Variants in SOAT2 observed in about 807,000 individuals in gnomAD.
SOAT2 encodes ACAT-2.
Under a neutral mutation model 76.0 loss-of-function variants are expected in SOAT2, and 87 were observed. That is an observed-to-expected ratio of 1.14 (90% CI 0.96 to 1.37). SOAT2 has a LOEUF of 1.37. Ranked by LOEUF, SOAT2 falls within the 40% of genes most tolerant of loss-of-function variation. The pLI, the probability that SOAT2 is intolerant of heterozygous loss-of-function variation, is 0.00. For synonymous variants in SOAT2, 285 were observed against 275.4 expected (o/e 1.03, Z -0.34); for missense variants, 686 against 682.1 (o/e 1.01, Z -0.06).
At position 53,119,207 on chromosome 12, in the gene SOAT2, C is replaced by T; in HGVS notation, c.993C>T (p.Phe331=). ...PVFANMSREP[F]STRALVLSIL... is the part of the protein sequence containing the mutation. ...TTGCCAACATGAGCCGAGAGCCCTT[C>T]AGCACCCGTGCCCTGGTGCTCTCTA... The change falls in exon 10 of 15, where the codon TTC becomes TTT. Residue 331 remains phenylalanine, a synonymous_variant. Coordinates refer to ENST00000301466, the MANE Select transcript of SOAT2 (RefSeq NM_003578.4). The T allele has an allele frequency of 6.2e-7, 1 of 1,614,160 alleles. No homozygotes were observed. Among genetic ancestry groups the T allele is most frequent in the Non-Finnish European group, 8.5e-7 (1 of 1,180,022 alleles).
chr12:53,124,007 G>T, intron 14 of SOAT2, 66 bp from the exon 15 acceptor site: 1 of 1,607,054 alleles, frequency 6.2e-7, no homozygotes, highest in South Asian at 1.1e-5. Flanking sequence ...GGACTCTCAC[G>T]TCTTGGATGC....
At chr12:53,116,863 A>G (rs1046705836) in intron 7 of SOAT2, among the ~76,000 whole-genome samples, 1 of 151,794 alleles carries the variant, frequency 6.6e-6, no homozygotes, top group Non-Finnish European at 1.5e-5. Context: ...CTGAGATCCC[A>G]TCTCAAAAAA....
chr12:53,112,407 G>A (rs147649213), intron 5 of SOAT2, among the ~76,000 whole-genome samples: 309 of 152,120 alleles, frequency 2.0e-3, no homozygotes, highest in African/African-American at 6.4e-3. Context: ...TTAGCCAGGC[G>A]TGGTAGCACA....
chr12:53,107,962 AT>A (rs1444353104), intron 5 of SOAT2, among the ~76,000 whole-genome samples: 3 of 146,212 alleles, frequency 2.1e-5, no homozygotes, highest in Non-Finnish European at 4.5e-5. Context: ...CCAGTTTCCC[AT>A]TTTTATTAAA....
chr12:53,108,768 T>A (rs918144645), intron 5 of SOAT2, among the ~76,000 whole-genome samples: 1 of 152,232 alleles, frequency 6.6e-6, no homozygotes, highest in Non-Finnish European at 1.5e-5. Context: ...TACAAAGTTA[T>A]CAGAAACCTG....
intron 5 of SOAT2, among the ~76,000 whole-genome samples, chr12:53,107,025 A>G (rs1156619053): frequency 1.3e-5 from 2 of 152,186 alleles, no homozygotes; most frequent in African/African-American, 2.4e-5. Context: ...GTTACATTCC[A>G]GCCTTTGTAT....
intron 5 of SOAT2, among the ~76,000 whole-genome samples, chr12:53,111,356 C>G (rs1456953026): frequency 6.6e-6 from 1 of 152,156 alleles, no homozygotes; most frequent in African/African-American, 2.4e-5. Context: ...ATCTGCCTGC[C>G]TCGGCCTCCC....
chr12:53,123,169 TG>T lies in SOAT2; in HGVS notation c.1329del (p.Phe444SerfsTer7). On this transcript the variant is annotated frameshift_variant, in exon 13 of 15. Transcript: ENST00000301466. LOFTEE classifies it high-confidence loss of function. ...VAHEYIFCFV[L>X]GFFYPVMLIL... ...CATGAGTATATCTTCTGCTTCGTCC[TG>T]GGGTTCTTCTATCCCGTCATGCTGA... The T allele has an allele frequency of 6.2e-7, 1 of 1,614,114 alleles. No homozygotes were observed.
At chr12:53,114,229 G>C (rs1270490799) in intron 5 of SOAT2, among the ~76,000 whole-genome samples, 1 of 152,000 alleles carries the variant, frequency 6.6e-6, no homozygotes, top group Non-Finnish European at 1.5e-5. Flanking sequence ...CAACAGCACT[G>C]CCTTTTGGTA....
intron 5 of SOAT2, among the ~76,000 whole-genome samples, chr12:53,111,395 C>G (rs192050995): frequency 6.6e-6 from 1 of 152,216 alleles, no homozygotes; most frequent in African/African-American, 2.4e-5. Context: ...GTGTGAGCCA[C>G]CTTGCCCAAC....
At chr12:53,122,995 C>T (rs1565629641) in intron 12 of SOAT2, 86 bp from the exon 13 acceptor site, 5 of 1,404,014 alleles carry the variant, frequency 3.6e-6, no homozygotes, top group East Asian at 5.5e-5. Context: ...GACTGGGCGG[C>T]TGGCCGGGCG....
chr12:53,116,446 A>C (rs995217216), intron 7 of SOAT2, among the ~76,000 whole-genome samples: 1 of 152,236 alleles, frequency 6.6e-6, no homozygotes, highest in Non-Finnish European at 1.5e-5. Flanking sequence ...TTCCATTTAT[A>C]GAGCACAGGC....
At chr12:53,108,981 G>GGC (rs1937974521) in intron 5 of SOAT2, among the ~76,000 whole-genome samples, 1 of 152,214 alleles carries the variant, frequency 6.6e-6, no homozygotes, top group Non-Finnish European at 1.5e-5. Flanking sequence ...GCTCATGCCT[G>GGC]TAATCCCAGC....
intron 2 of SOAT2, 120 bp from the exon 3 acceptor site, chr12:53,104,985 GTT>G: frequency 9.0e-7 from 1 of 1,115,062 alleles, no homozygotes; most frequent in Non-Finnish European, 1.2e-6. Flanking sequence ...GACCCCCCAG[GTT>G]GTTTTTTTTT....
chr12:53,122,016 C>G (rs1938197860), intron 12 of SOAT2, among the ~76,000 whole-genome samples: 1 of 151,508 alleles, frequency 6.6e-6, no homozygotes. Flanking sequence ...CCATATTGGC[C>G]AGGCTGGTCT....
intron 5 of SOAT2, among the ~76,000 whole-genome samples, chr12:53,112,907 G>A (rs887490713): frequency 6.6e-6 from 1 of 150,742 alleles, no homozygotes; most frequent in Admixed American, 6.7e-5. Context: ...AGCCTCCCAA[G>A]TAGCTGGGAT....
chr12:53,120,699 G>A, intron 10 of SOAT2, 87 bp from the exon 11 acceptor site: 3 of 868,298 alleles, frequency 3.5e-6, no homozygotes, highest in Non-Finnish European at 5.9e-6. Flanking sequence ...TGGTTTCTGG[G>A]CAGGGGCTCC....
chr12:53,105,660 G>C (rs746846094), intron 4 of SOAT2, 40 bp downstream of exon 4: 1 of 1,569,954 alleles, frequency 6.4e-7, no homozygotes, highest in Non-Finnish European at 8.7e-7. Context: ...GGAAAAGAAA[G>C]GGCTTTGGCT....
chr12:53,120,427 C>T (rs1243641163), intron 10 of SOAT2, among the ~76,000 whole-genome samples: 1 of 152,008 alleles, frequency 6.6e-6, no homozygotes, highest in Non-Finnish European at 1.5e-5. Flanking sequence ...TGAGATCGTG[C>T]CACTGCACTC....
Sources: allele counts gnomAD v4.1 joint callset (sites outside exome capture counted in the v4.1 genomes callset), GRCh38; gene constraint gnomAD v4.1.1; transcripts MANE v1.5; gene names NCBI Gene and HGNC (gene_info 2026-07-23, HGNC 2026-07-21).